The following MAGI1 variants were observed in gnomAD, a reference collection of about 807,000 sequenced individuals.
MAGI1 encodes the protein membrane associated guanylate kinase, WW and PDZ domain containing 1.
Under a neutral mutation model 139.9 loss-of-function variants are expected in MAGI1, and 58 were observed. The ratio of observed to expected loss-of-function variants is 0.41; its 90% CI spans 0.34 to 0.52. The LOEUF (loss-of-function observed/expected upper bound fraction) is 0.52. Among genes scored for constraint, MAGI1 ranks in the 20% least tolerant of loss-of-function variants. MAGI1 has a pLI of 0.12. For synonymous variants in MAGI1, 812 were observed against 737.9 expected, an observed-to-expected ratio of 1.10 and a Z score of -1.63; for missense variants, 1,874 against 1,901.6, an observed-to-expected ratio of 0.99 and a Z score of 0.27.
chr3:65,733,122 G>C (rs757053783), intron 1 of MAGI1, among the ~76,000 whole-genome samples: 1 of 151,652 alleles, frequency 6.6e-6, no homozygotes, highest in South Asian at 2.1e-4. Flanking sequence ...GCAATGGCGC[G>C]ATCTTGGCTC....
intron 12 of MAGI1, among the ~76,000 whole-genome samples, chr3:65,415,144 T>C (rs548538220): frequency 1.3e-4 from 20 of 152,218 alleles, no homozygotes; most frequent in African/African-American, 4.3e-4. Context: ...TATTGTTTAC[T>C]GAAGGAACGT....
At chr3:65,506,179 A>G (rs951998162) in intron 2 of MAGI1, among the ~76,000 whole-genome samples, 5 of 152,300 alleles carry the variant, frequency 3.3e-5, no homozygotes, top group South Asian at 2.1e-4. Flanking sequence ...GTGCAACCAT[A>G]GACAAGGTAA....
intron 1 of MAGI1, chr3:65,720,210 T>G (rs6772787): frequency 0.37 from 55,755 of 151,938 alleles, 10,925 homozygotes; most frequent in Non-Finnish European, 0.42. Context: ...TTTTTAATGT[T>G]AATGCAAATC....
intron 14 of MAGI1, among the ~76,000 whole-genome samples, chr3:65,390,234 A>T (rs1453733731): frequency 6.6e-6 from 1 of 152,040 alleles, no homozygotes; most frequent in East Asian, 1.9e-4. Flanking sequence ...GAGCAAAATG[A>T]TTCCCTTCAC....
At chr3:65,396,638 G>C (rs1346782004) in intron 13 of MAGI1, among the ~76,000 whole-genome samples, 1 of 152,192 alleles carries the variant, frequency 6.6e-6, no homozygotes, top group African/African-American at 2.4e-5. Context: ...AAGAATTCAT[G>C]TGGCTTAAAA....
At chr3:65,722,691 A>T (rs527618925) in intron 1 of MAGI1, among the ~76,000 whole-genome samples, 1 of 152,334 alleles carries the variant, frequency 6.6e-6, no homozygotes, top group Non-Finnish European at 1.5e-5. Context: ...AAACTCTGTG[A>T]TAACAAAGAC....
intron 1 of MAGI1, among the ~76,000 whole-genome samples, chr3:65,890,884 A>C (rs954705970): frequency 3.3e-5 from 5 of 152,202 alleles, no homozygotes; most frequent in African/African-American, 9.7e-5. Flanking sequence ...GAAAAACAAA[A>C]ATAAAATGTA....
At chr3:65,401,274 C>T (rs1944866623) in intron 13 of MAGI1, among the ~76,000 whole-genome samples, 165 bp downstream of exon 13, 1 of 152,084 alleles carries the variant, frequency 6.6e-6, no homozygotes, top group Non-Finnish European at 1.5e-5. Flanking sequence ...CCTTGTATAA[C>T]AAACAGATCC....
intron 1 of MAGI1, among the ~76,000 whole-genome samples, chr3:65,728,996 T>C (rs1390204684): frequency 6.6e-6 from 1 of 152,112 alleles, no homozygotes; most frequent in Non-Finnish European, 1.5e-5. Flanking sequence ...AAAACCTGAC[T>C]AATTTTGATC....
At chr3:65,491,698 C>A (rs1350761585) in intron 3 of MAGI1, among the ~76,000 whole-genome samples, 2 of 151,238 alleles carry the variant, frequency 1.3e-5, no homozygotes, top group Admixed American at 1.3e-4. Flanking sequence ...CCGCAGCCCC[C>A]CTCCCTTCCC....
At chr3:65,519,457 C>G (rs1330353671) in intron 2 of MAGI1, among the ~76,000 whole-genome samples, 1 of 152,014 alleles carries the variant, frequency 6.6e-6, no homozygotes, top group Non-Finnish European at 1.5e-5. Context: ...GCGATCTTGG[C>G]TCACTGCAAC....
intron 1 of MAGI1, among the ~76,000 whole-genome samples, chr3:65,917,907 T>C (rs1560011469): frequency 6.6e-6 from 1 of 152,186 alleles, no homozygotes; most frequent in Non-Finnish European, 1.5e-5. Context: ...GAATGAACCC[T>C]AATGTAAACT....
At chr3:65,648,302 T>C (rs1264283674) in intron 1 of MAGI1, among the ~76,000 whole-genome samples, 1 of 149,362 alleles carries the variant, frequency 6.7e-6, no homozygotes, top group Admixed American at 6.6e-5. Context: ...TGTGTGTGTG[T>C]GTGTGTGTGT....
chr3:65,378,234 G>C (rs943555823), intron 17 of MAGI1, among the ~76,000 whole-genome samples: 1 of 152,178 alleles, frequency 6.6e-6, no homozygotes, highest in African/African-American at 2.4e-5. Flanking sequence ...GTCTTTGCTA[G>C]TGTACCCAGA....
chr3:65,991,661 T>C (rs2066179235), intron 1 of MAGI1, among the ~76,000 whole-genome samples: 1 of 152,226 alleles, frequency 6.6e-6, no homozygotes, highest in Admixed American at 6.5e-5. Flanking sequence ...ATATGAGTTT[T>C]GATCTAGATA....
intron 2 of MAGI1, among the ~76,000 whole-genome samples, chr3:65,494,602 C>T (rs1263808676): frequency 6.6e-6 from 1 of 152,174 alleles, no homozygotes; most frequent in Non-Finnish European, 1.5e-5. Context: ...TTTAGCAAGG[C>T]ATTATTACCT....
At chr3:65,617,533 C>T (rs765496463) in intron 2 of MAGI1, among the ~76,000 whole-genome samples, 3 of 152,106 alleles carry the variant, frequency 2.0e-5, no homozygotes, top group Admixed American at 1.3e-4. Context: ...GCAGGAGGTA[C>T]GGTGATATCT....
At chr3:65,728,410 G>T (rs1269067271) in intron 1 of MAGI1, among the ~76,000 whole-genome samples, 4 of 152,216 alleles carry the variant, frequency 2.6e-5, no homozygotes, top group Non-Finnish European at 5.9e-5. Flanking sequence ...GCAGGAAGCT[G>T]CTCAGCAGTT....
At chr3:65,826,131 GA>G (rs200536708) in intron 1 of MAGI1, among the ~76,000 whole-genome samples, 2,202 of 152,042 alleles carry the variant, frequency 0.014, 53 homozygotes, top group African/African-American at 0.05. Flanking sequence ...TACATGCATG[GA>G]AAAAAATACA....
Sources: gnomAD v4.1 joint callset for allele counts (sites outside exome capture counted in the v4.1 genomes callset) on GRCh38, gnomAD v4.1.1 for gene constraint, MANE v1.5 for transcripts, NCBI Gene and HGNC (gene_info 2026-07-23, HGNC 2026-07-21) for gene names.